The following CCSER1 variants were observed in gnomAD, a reference collection of about 807,000 sequenced individuals.
CCSER1 encodes serine-rich coiled-coil domain-containing protein 1.
In CCSER1, 41 loss-of-function variants were observed where a neutral mutation model predicts 82.0. The ratio of observed to expected loss-of-function variants is 0.50; its 90% CI spans 0.39 to 0.65. The LOEUF (loss-of-function observed/expected upper bound fraction) is 0.65. CCSER1 is among the 30% of genes least tolerant of loss of function. CCSER1 has a pLI of 0.00. For synonymous variants in CCSER1, 414 were observed against 383.9 expected (o/e 1.08, Z -0.92); for missense variants, 1,119 against 1,064.2 (o/e 1.05, Z -0.72).
intron 4 of CCSER1, among the ~76,000 whole-genome samples, chr4:90,467,223 A>G (rs973148687): frequency 6.6e-6 from 1 of 151,750 alleles, no homozygotes. Flanking sequence ...CGTCTCTACT[A>G]AAAAATACAA....
intron 5 of CCSER1, among the ~76,000 whole-genome samples, chr4:90,567,464 A>G (rs562667902): frequency 1.3e-4 from 20 of 151,816 alleles, no homozygotes; most frequent in South Asian, 4.2e-4. Context: ...CTAATTTTGT[A>G]TTCTTAGTAG....
chr4:90,130,693 G>A (rs1302842346), intron 1 of CCSER1, among the ~76,000 whole-genome samples: 1 of 151,800 alleles, frequency 6.6e-6, no homozygotes, highest in Non-Finnish European at 1.5e-5. Flanking sequence ...GCGCTACCTC[G>A]GCTCACTGCA....
chr4:91,594,390 T>TACATATACAC (rs1764438006), intron 10 of CCSER1, among the ~76,000 whole-genome samples: 1 of 139,010 alleles, frequency 7.2e-6, no homozygotes, highest in African/African-American at 2.6e-5. Context: ...CACACATATA[T>TACATATACAC]ACATATATAC....
At position 90,713,782 on chromosome 4, in the gene CCSER1, A is replaced by G. The variant is rs976428304; in HGVS notation, c.1933-10132A>G. Among the ~76,000 whole-genome samples the G allele has an allele frequency of 6.6e-5, 10 of 152,040 alleles. No individual in the cohort carries two copies. The East Asian group carries it at 9.7e-4, about 15-fold the overall frequency. On this transcript the variant is annotated intron_variant, in intron 6 of 10. Coordinates refer to ENST00000509176, the MANE Select transcript of CCSER1 (RefSeq NM_001145065.2). ...CTCCCCATCTTTTTCAGGTGCCCCA[A>G]TCAGTCGTAGGTTCAGTCTCTACAT... is the stretch of plus-strand genomic sequence containing the variant.
intron 9 of CCSER1, among the ~76,000 whole-genome samples, chr4:91,072,880 A>T (rs1721580455): frequency 6.6e-6 from 1 of 152,132 alleles, no homozygotes; most frequent in South Asian, 2.1e-4. Flanking sequence ...CCTGGCACCT[A>T]GTCAGACTCA....
chr4:91,372,497 T>C (rs1279449481), intron 10 of CCSER1, among the ~76,000 whole-genome samples: 6 of 152,080 alleles, frequency 3.9e-5, no homozygotes, highest in African/African-American at 1.4e-4. Flanking sequence ...ATATACCCTA[T>C]TACCTATTTT....
intron 9 of CCSER1, among the ~76,000 whole-genome samples, chr4:90,974,667 A>T (rs1240145211): frequency 6.6e-6 from 1 of 151,478 alleles, no homozygotes; most frequent in Non-Finnish European, 1.5e-5. Context: ...ACAGTGAAAT[A>T]CTTCATAACC....
chr4:90,957,426 AC>A (rs1733579125), intron 9 of CCSER1, among the ~76,000 whole-genome samples: 1 of 144,118 alleles, frequency 6.9e-6, no homozygotes, highest in South Asian at 2.1e-4. Context: ...AATTGAGGTG[AC>A]TCTAAAAACG....
At chr4:91,243,373 G>T (rs1739520340) in intron 10 of CCSER1, among the ~76,000 whole-genome samples, 1 of 152,188 alleles carries the variant, frequency 6.6e-6, no homozygotes, top group Admixed American at 6.5e-5. Context: ...TGTAGTGCTA[G>T]TCTGGGATTA....
chr4:90,326,791 G>A (rs1013198679), intron 3 of CCSER1, among the ~76,000 whole-genome samples: 3 of 152,152 alleles, frequency 2.0e-5, no homozygotes, highest in East Asian at 3.9e-4. Flanking sequence ...CCTTTCTTTC[G>A]GCATCCGATG....
At chr4:90,991,739 A>G (rs1480413142) in intron 9 of CCSER1, among the ~76,000 whole-genome samples, 1 of 151,982 alleles carries the variant, frequency 6.6e-6, no homozygotes, top group Non-Finnish European at 1.5e-5. Context: ...ACTTCAACAT[A>G]TCTTTTTAGG....
At chr4:90,143,251 C>G (rs777905218) in intron 1 of CCSER1, among the ~76,000 whole-genome samples, 2 of 151,990 alleles carry the variant, frequency 1.3e-5, no homozygotes, top group African/African-American at 2.4e-5. Context: ...CCGTATTAAG[C>G]CAATTTCTTC....
At chr4:91,123,309 TATG>T (rs1727245070) in intron 10 of CCSER1, among the ~76,000 whole-genome samples, 1 of 151,770 alleles carries the variant, frequency 6.6e-6, no homozygotes. Context: ...AAGAAAAGCT[TATG>T]ATAAGAAATA....
At chr4:91,176,699 T>C (rs1220096297) in intron 10 of CCSER1, among the ~76,000 whole-genome samples, 1 of 152,224 alleles carries the variant, frequency 6.6e-6, no homozygotes, top group Non-Finnish European at 1.5e-5. Context: ...AAGTTGCTTA[T>C]CAGCTTAAGG....
At chr4:90,471,604 C>G (rs114926083) in intron 5 of CCSER1, among the ~76,000 whole-genome samples, 2,698 of 151,756 alleles carry the variant, frequency 0.018, 34 homozygotes, top group South Asian at 0.038. Flanking sequence ...ATAGCCACAT[C>G]AACTGTTTAT....
chr4:91,405,223 GT>G (rs60149197), intron 10 of CCSER1, among the ~76,000 whole-genome samples: 67,179 of 148,064 alleles, frequency 0.45, 16,097 homozygotes, highest in African/African-American at 0.64. Flanking sequence ...GCAACCCCTG[GT>G]TTTTTTTTTT....
chr4:91,422,472 T>G lies in CCSER1; in HGVS notation c.2218-176100T>G, dbSNP rs181486612. Among the ~76,000 whole-genome samples the G allele has an allele frequency of 4.6e-5, 7 of 152,308 alleles. No individual in the cohort carries two copies. The East Asian group carries it at 1.3e-3, about 29-fold the overall frequency. On this transcript the variant is annotated intron_variant, in intron 10 of 10. Coordinates refer to ENST00000509176, the MANE Select transcript of CCSER1 (RefSeq NM_001145065.2). ...TTATTGCCTAATTGTGTGTCATACT[T>G]AATTACCCTGTTAATAATAATTTTG...
chr4:91,283,231 C>A (rs1270213497), intron 10 of CCSER1, among the ~76,000 whole-genome samples: 7 of 152,140 alleles, frequency 4.6e-5, no homozygotes, highest in Admixed American at 4.6e-4. Flanking sequence ...TAGATGTGTT[C>A]ATTCTAACTT....
At chr4:91,037,761 T>A (rs1037894212) in intron 9 of CCSER1, among the ~76,000 whole-genome samples, 12 of 151,980 alleles carry the variant, frequency 7.9e-5, no homozygotes, top group African/African-American at 1.4e-4. Flanking sequence ...ATTTATTTTT[T>A]AAAAATATTT....
Sources: allele counts gnomAD v4.1 joint callset (sites outside exome capture counted in the v4.1 genomes callset), GRCh38; gene constraint gnomAD v4.1.1; transcripts MANE v1.5; gene names NCBI Gene and HGNC (gene_info 2026-07-23, HGNC 2026-07-21).